The following CD4 variants were observed in gnomAD, a reference collection of about 807,000 sequenced individuals.
CD4 encodes the protein T-cell surface glycoprotein CD4.
CD4 carries 25 observed loss-of-function variants against 50.5 expected under a neutral mutation model. The ratio of observed to expected loss-of-function variants is 0.49; its 90% CI spans 0.36 to 0.69. The LOEUF is 0.69. CD4 is among the 30% of genes least tolerant of loss of function. The probability of loss-of-function intolerance (pLI) is 0.00; values close to 1 mark genes in which losing one functional copy is unlikely to be tolerated. For missense variants in CD4, 456 were observed against 548.5 expected (o/e 0.83, Z 1.68); for synonymous variants, 207 against 221.9 (o/e 0.93, Z 0.60).
intron 3 of CD4, among the ~76,000 whole-genome samples, chr12:6,805,015 C>CAA (rs34087134): frequency 0.077 from 7,496 of 96,788 alleles, 627 homozygotes; most frequent in African/African-American, 0.2. Context: ...GACTACGTCT[C>CAA]AAAAAAAAAA....
intron 3 of CD4, among the ~76,000 whole-genome samples, chr12:6,813,211 T>C (rs554537556): frequency 1.2e-4 from 17 of 144,026 alleles, no homozygotes; most frequent in Non-Finnish European, 2.2e-4. Flanking sequence ...AGGCGGCTAA[T>C]TAAAAAAAAT....
At chr12:6,794,743 T>A (rs1167898040) in intron 1 of CD4, among the ~76,000 whole-genome samples, 1 of 150,160 alleles carries the variant, frequency 6.7e-6, no homozygotes, top group Non-Finnish European at 1.5e-5. Flanking sequence ...TTATCTATCA[T>A]CTATTTATCT....
Position 6,816,759 on chromosome 12 carries a change from A to G in CD4, c.955+356A>G, listed in dbSNP as rs1346795146. Among the ~76,000 whole-genome samples, 4 of 152,232 alleles carry G rather than the reference A, an allele frequency of 2.6e-5. No homozygotes were observed. The highest frequency in any genetic ancestry group is 7.2e-5 in the African/African-American group (3 of 41,458). ...TGCTCTCTGTGTGATAGTAATGATG[A>G]TAATGTCAAGCTCCAAATTGAGTTT... On this transcript the variant is annotated intron_variant, in intron 6 of 9. Transcript: ENST00000011653. The surrounding 1 kb of genome is among the most constrained non-coding windows in gnomAD (Gnocchi z 4.9).
At chr12:6,803,383 A>C (rs1052601574) in intron 3 of CD4, among the ~76,000 whole-genome samples, 4 of 149,064 alleles carry the variant, frequency 2.7e-5, no homozygotes, top group Non-Finnish European at 6.0e-5. Flanking sequence ...TTCTACCCTC[A>C]AGTGATCTAC....
chr12:6,817,882 TACACATTCAC>T (rs1388039421), intron 7 of CD4, among the ~76,000 whole-genome samples: 5 of 142,358 alleles, frequency 3.5e-5, no homozygotes, highest in Admixed American at 1.4e-4. Context: ...CACACACACT[TACACATTCAC>T]GCACATACTC....
At chr12:6,803,981 C>T (rs1555115775) in intron 3 of CD4, among the ~76,000 whole-genome samples, 1 of 150,324 alleles carries the variant, frequency 6.7e-6, no homozygotes, top group African/African-American at 2.5e-5. Flanking sequence ...TGTGGTGGCA[C>T]ACACCTATAG....
chr12:6,790,926 G>T (rs1005344045), intron 1 of CD4, among the ~76,000 whole-genome samples: 5 of 152,216 alleles, frequency 3.3e-5, no homozygotes, highest in African/African-American at 1.2e-4. Context: ...AGGGCCTGAT[G>T]GGGGAAGTCA....
In CD4 at chr12:6,816,192, C is replaced by T; in HGVS notation, c.744C>T (p.Ser248=). The change falls in exon 6 of 10, where the codon TCC becomes TCT. Residue 248 remains serine (S), a synonymous_variant. Coordinates refer to ENST00000011653, the MANE Select transcript of CD4 (RefSeq NM_000616.5). This position sits in a 1 kb window ranked among gnomAD's most constrained non-coding sequence, Gnocchi z 4.9. ...GGCAGGCGGAGAGGGCTTCCTCCTC[C>T]AAGTCTTGGATCACCTTTGACCTGA... ...LWWQAERASS[S]KSWITFDLKN... is the part of the protein sequence containing the mutation. The T allele has an allele frequency of 6.2e-7, 1 of 1,614,132 alleles. No individual in the cohort carries two copies.
In CD4 at chr12:6,814,863, G is replaced by A. The variant is rs2137914624; in HGVS notation, c.478G>A (p.Gly160Ser). Residue 160 changes from glycine (G) to serine (S), a missense_variant, in exon 5 of 10, where the codon GGT becomes AGT. Coordinates refer to ENST00000011653, the MANE Select transcript of CD4 (RefSeq NM_000616.5). ...SPSVQCRSPR[G>S]KNIQGGKTLS... is the part of the protein sequence containing the mutation. ...CTCAGTGCAATGTAGGAGTCCAAGG[G>A]GTAAAAACATACAGGGGGGGAAGAC... 12 of 1,613,532 alleles carry A rather than the reference G, an allele frequency of 7.4e-6. No individual in the cohort carries two copies. Among genetic ancestry groups the A allele is most frequent in the East Asian group, 4.5e-5 (2 of 44,876 alleles).
intron 3 of CD4, among the ~76,000 whole-genome samples, chr12:6,802,231 A>G (rs961645186): frequency 6.6e-6 from 1 of 152,164 alleles, no homozygotes; most frequent in Admixed American, 6.6e-5. Context: ...GTCAATGAAG[A>G]AAAGAATATG....
At chr12:6,798,714 A>T (rs1942451775) in intron 1 of CD4, among the ~76,000 whole-genome samples, 1 of 152,162 alleles carries the variant, frequency 6.6e-6, no homozygotes, top group Admixed American at 6.5e-5. Flanking sequence ...AATTCTTGGG[A>T]ACGTCACCTT....
At chr12:6,794,582 G>C (rs2137837531) in intron 1 of CD4, among the ~76,000 whole-genome samples, 1 of 152,102 alleles carries the variant, frequency 6.6e-6, no homozygotes, top group African/African-American at 2.4e-5. Context: ...ATGTTGGCCA[G>C]GCTGGTCTCG....
intron 1 of CD4, among the ~76,000 whole-genome samples, chr12:6,796,863 A>G (rs1942390023): frequency 6.6e-6 from 1 of 152,168 alleles, no homozygotes; most frequent in Non-Finnish European, 1.5e-5. Context: ...AAAGATTTAC[A>G]GTCAAGCCTC....
rs1174622011 is a variant in CD4 at position 6,818,727 on chromosome 12, A to T, written c.1279-120A>T. 1 of 1,186,462 alleles carries T rather than the reference A, an allele frequency of 8.4e-7. No homozygotes were observed. The highest frequency in any genetic ancestry group is 1.3e-6 in the Non-Finnish European group (1 of 798,376). The allele number at this position is 1,186,462 out of a possible 1,614,324, so 73.5% of individuals were successfully genotyped here. The stretch of plus-strand genomic sequence containing the variant: ...AGGAGCAGAGAGTTAATTCCAGGAT[A>T]GATGGCCTGGGCCATGTAACTGCTT... On this transcript the variant is annotated intron_variant, in intron 8 of 9. Coordinates refer to ENST00000011653, the MANE Select transcript of CD4 (RefSeq NM_000616.5). This position sits in a 1 kb window ranked among gnomAD's most constrained non-coding sequence, Gnocchi z 5.0.
intron 3 of CD4, among the ~76,000 whole-genome samples, chr12:6,805,638 GA>G (rs2137882433): frequency 6.6e-6 from 1 of 151,928 alleles, no homozygotes; most frequent in African/African-American, 2.4e-5. Context: ...AGAAGTCAAA[GA>G]AGATCTAAAT....
intron 3 of CD4, among the ~76,000 whole-genome samples, chr12:6,803,220 G>A (rs1338957565): frequency 3.3e-5 from 5 of 151,796 alleles, no homozygotes; most frequent in African/African-American, 1.2e-4. Context: ...GCATGATCTC[G>A]GCTAACTGCA....
chr12:6,809,583 C>T (rs1942876782), intron 3 of CD4, among the ~76,000 whole-genome samples: 1 of 152,192 alleles, frequency 6.6e-6, no homozygotes, highest in South Asian at 2.1e-4. Context: ...TACCTCCCAC[C>T]TGGATTACAG....
intron 1 of CD4, among the ~76,000 whole-genome samples, chr12:6,793,837 A>T (rs1314721191): frequency 2.0e-5 from 3 of 151,436 alleles, no homozygotes; most frequent in African/African-American, 7.3e-5. Flanking sequence ...TTTTTAGTAG[A>T]CACGGGGGTT....
intron 3 of CD4, among the ~76,000 whole-genome samples, chr12:6,807,907 C>G: frequency 6.6e-6 from 1 of 151,726 alleles, no homozygotes; most frequent in African/African-American, 2.4e-5. Flanking sequence ...ATGGCAAAAC[C>G]GGTCTCTACT....
Sources: gnomAD v4.1 joint callset for allele counts (sites outside exome capture counted in the v4.1 genomes callset) on GRCh38, gnomAD v4.1.1 for gene constraint, Gnocchi (gnomAD v3.1) non-coding constraint, MANE v1.5 for transcripts, NCBI Gene and HGNC (gene_info 2026-07-23, HGNC 2026-07-21) for gene names.